DNAAF10: variants seen among roughly 807,000 people sequenced by gnomAD.
DNAAF10 encodes dynein axonemal assembly factor 10.
Under a neutral mutation model 43.7 loss-of-function variants are expected in DNAAF10, and 28 were observed. The observed-to-expected ratio is 0.64, with a 90% CI of 0.48 to 0.88. The LOEUF is 0.88. Ranked by LOEUF, DNAAF10 falls within the 40% of genes least tolerant of loss-of-function variation. The pLI is 0.00. For synonymous variants in DNAAF10, 156 were observed against 157.3 expected (o/e 0.99, Z 0.06); for missense variants, 403 against 439.1 (o/e 0.92, Z 0.73).
At chr2:68,138,923 AG>A in intron 4 of DNAAF10, 66 bp from the exon 5 acceptor site, 2 of 1,158,620 alleles carry the variant, frequency 1.7e-6, no homozygotes, top group East Asian at 2.3e-5. Flanking sequence ...GCTTTAAAAA[AG>A]TCTTATGAAA....
At chr2:68,154,975 T>C (rs907376916) in intron 1 of DNAAF10, among the ~76,000 whole-genome samples, 1 of 151,144 alleles carries the variant, frequency 6.6e-6, no homozygotes, top group Non-Finnish European at 1.5e-5. Flanking sequence ...GGTTTCCCCA[T>C]GTTGCCTAGG....
chr2:68,136,424 G>T (rs900385559), intron 6 of DNAAF10, among the ~76,000 whole-genome samples: 4 of 152,004 alleles, frequency 2.6e-5, no homozygotes, highest in African/African-American at 9.7e-5. Flanking sequence ...TAAGAATTTG[G>T]TTTTCATAAG....
chr2:68,131,547 G>T, intron 7 of DNAAF10, 102 bp from the exon 8 acceptor site: 1 of 1,100,018 alleles, frequency 9.1e-7, no homozygotes, highest in Non-Finnish European at 1.3e-6. Flanking sequence ...TTGGTTACTG[G>T]GACTAATAAA....
intron 3 of DNAAF10, 104 bp downstream of exon 3, chr2:68,144,481 A>G: frequency 2.8e-6 from 4 of 1,406,348 alleles, no homozygotes; most frequent in Non-Finnish European, 3.9e-6. Context: ...AGATTTAGGG[A>G]GTCAAGGTGA....
At chr2:68,148,144 T>G (rs538985062) in intron 1 of DNAAF10, among the ~76,000 whole-genome samples, 2 of 152,196 alleles carry the variant, frequency 1.3e-5, no homozygotes, top group Non-Finnish European at 1.5e-5. Flanking sequence ...ATAGTCACAT[T>G]AGTAAAACAA....
intron 2 of DNAAF10, among the ~76,000 whole-genome samples, 184 bp downstream of exon 2, chr2:68,147,283 T>C (rs906232031): frequency 3.3e-5 from 5 of 152,274 alleles, no homozygotes; most frequent in Middle Eastern, 3.4e-3. Flanking sequence ...AGGTTAGTAT[T>C]TTTTAATGGA....
intron 4 of DNAAF10, among the ~76,000 whole-genome samples, chr2:68,140,890 C>T (rs916174589): frequency 7.2e-5 from 11 of 152,136 alleles, no homozygotes; most frequent in Non-Finnish European, 1.5e-4. Flanking sequence ...TGTCATTATT[C>T]CCTAAACAAT....
intron 2 of DNAAF10, among the ~76,000 whole-genome samples, chr2:68,146,337 G>A (rs569897106): frequency 2.0e-4 from 31 of 152,272 alleles, no homozygotes; most frequent in African/African-American, 6.7e-4. Context: ...AACTAATCAA[G>A]AGATTAAACA....
intron 7 of DNAAF10, chr2:68,134,435 G>A: frequency 8.1e-7 from 1 of 1,230,880 alleles, no homozygotes; most frequent in Non-Finnish European, 1.0e-6. Context: ...TCTGATAAAA[G>A]TCTTGGGCCA....
At position 68,157,093 on chromosome 2, in the gene DNAAF10, G is replaced by A. The variant is rs1673641670; in HGVS notation, c.183+168C>T. ...GAACTACCCCGCGGATGAGAAGAAAGGTTTTAAATAGGAAACATTCCTCAG... is the reference window on the plus strand; with the variant it reads ...GAACTACCCCGCGGATGAGAAGAAAAGTTTTAAATAGGAAACATTCCTCAG... On this transcript the variant is annotated intron_variant, in intron 1 of 7. Coordinates refer to ENST00000295121, the MANE Select transcript of DNAAF10 (RefSeq NM_138458.4). The A allele has an allele frequency of 4.5e-5, 43 of 953,414 alleles. 1 individual carries two copies. The South Asian group carries it at 5.6e-4, about 13-fold the overall frequency. The allele number at this position is 953,414 out of a possible 1,614,324, so 59.1% of individuals were successfully genotyped here.
intron 6 of DNAAF10, among the ~76,000 whole-genome samples, chr2:68,135,551 CAG>C (rs760251752): frequency 6.6e-6 from 1 of 152,020 alleles, no homozygotes; most frequent in East Asian, 1.9e-4. Context: ...GAGAGAGAGA[CAG>C]AGGGAGAGAG....
At chr2:68,153,381 G>A (rs1353986608) in intron 1 of DNAAF10, among the ~76,000 whole-genome samples, 1 of 148,334 alleles carries the variant, frequency 6.7e-6, no homozygotes, top group Non-Finnish European at 1.5e-5. Flanking sequence ...CGATGCATGA[G>A]TTTTGGAGCA....
chr2:68,156,901 A>G, intron 1 of DNAAF10: 1 of 273,186 alleles, frequency 3.7e-6, no homozygotes, highest in Non-Finnish European at 7.0e-6. Context: ...ACTAGAAAAT[A>G]AACTCCATGA....
chr2:68,153,505 C>T (rs186954504), intron 1 of DNAAF10, among the ~76,000 whole-genome samples: 9 of 152,084 alleles, frequency 5.9e-5, no homozygotes, highest in Non-Finnish European at 8.8e-5. Context: ...AATCACCTTG[C>T]GGAAGTTTAA....
intron 5 of DNAAF10, among the ~76,000 whole-genome samples, chr2:68,137,719 T>C (rs1673078290): frequency 6.6e-6 from 1 of 150,654 alleles, no homozygotes; most frequent in Admixed American, 6.6e-5. Context: ...ATACAAAAAT[T>C]AGCCAGGCGT....
chr2:68,135,170 T>A (rs573538004), intron 6 of DNAAF10, among the ~76,000 whole-genome samples: 1 of 152,312 alleles, frequency 6.6e-6, no homozygotes, highest in East Asian at 1.9e-4. Flanking sequence ...CTTTTGTTTA[T>A]ATATACGAAA....
At chr2:68,140,741 G>T (rs745458253) in intron 4 of DNAAF10, among the ~76,000 whole-genome samples, 2 of 152,070 alleles carry the variant, frequency 1.3e-5, no homozygotes, top group Non-Finnish European at 2.9e-5. Flanking sequence ...CCATCTCTAA[G>T]GATATTCCTA....
intron 1 of DNAAF10, among the ~76,000 whole-genome samples, chr2:68,150,131 T>G (rs1487237710): frequency 6.6e-6 from 1 of 152,110 alleles, no homozygotes; most frequent in Non-Finnish European, 1.5e-5. Flanking sequence ...AGGTAAAAAC[T>G]AACCTACACT....
chr2:68,147,634 CATATTTA>C, intron 1 of DNAAF10, 67 bp from the exon 2 acceptor site: 2 of 1,152,728 alleles, frequency 1.7e-6, no homozygotes, highest in Non-Finnish European at 2.4e-6. Flanking sequence ...CTATTAATAT[CATATTTA>C]TGGCTCTATT....
Sources: gnomAD v4.1 joint callset for allele counts (sites outside exome capture counted in the v4.1 genomes callset) on GRCh38, gnomAD v4.1.1 for gene constraint, MANE v1.5 for transcripts, NCBI Gene and HGNC (gene_info 2026-07-23, HGNC 2026-07-21) for gene names.